Variants in LPCAT1 observed in about 807,000 individuals in gnomAD.
The protein encoded by LPCAT1 is 1-acylglycerol-3-phosphate O-acyltransferase.
Under a neutral mutation model 60.9 loss-of-function variants are expected in LPCAT1, and 23 were observed. The ratio of observed to expected loss-of-function variants is 0.38; its 90% CI spans 0.27 to 0.53. LPCAT1 has a LOEUF of 0.53. Among genes scored for constraint, LPCAT1 ranks in the 20% least tolerant of loss-of-function variants. The pLI is 0.82. For synonymous variants in LPCAT1, 340 were observed against 301.1 expected (o/e 1.13, Z -1.34); for missense variants, 622 against 723.6 (o/e 0.86, Z 1.61).
At chr5:1,468,912 T>C (rs953034546) in intron 12 of LPCAT1, among the ~76,000 whole-genome samples, 5 of 152,322 alleles carry the variant, frequency 3.3e-5, no homozygotes, top group African/African-American at 9.6e-5. Context: ...AAGCCCTTCC[T>C]GCTACATGCA....
chr5:1,492,476 G>A (rs1042692212), intron 3 of LPCAT1, among the ~76,000 whole-genome samples: 2 of 152,240 alleles, frequency 1.3e-5, no homozygotes, highest in Admixed American at 1.3e-4. Context: ...GGCCCTTTCA[G>A]GCCAGGACAG....
Position 1,495,330 on chromosome 5 carries a change from TG to T in LPCAT1, c.279-417del, listed in dbSNP as rs10708465. ...AACACCTAAAACGCATATCGCAATA[TG>T]GGGGGGGGGGCGCTCAGAGCTGAGG... On this transcript the variant is annotated intron_variant, in intron 2 of 13. Coordinates refer to ENST00000283415, the MANE Select transcript of LPCAT1 (RefSeq NM_024830.5). This position sits in a 1 kb window ranked among gnomAD's most constrained non-coding sequence, Gnocchi z 4.7. Among the ~76,000 whole-genome samples, 67,917 of 140,448 alleles carry T rather than the reference TG, an allele frequency of 0.48. 15,751 individuals carry two copies. Among genetic ancestry groups the T allele is most frequent in the East Asian group, 0.68 (3,285 of 4,852 alleles). 92.1% of individuals were successfully genotyped at this position (140,448 alleles called of 152,430 possible). A position where few individuals can be genotyped will look rare whatever the true frequency, so the allele number is the denominator to read the frequency against.
chr5:1,479,325 T>G (rs1410534107), intron 8 of LPCAT1, among the ~76,000 whole-genome samples: 1 of 152,204 alleles, frequency 6.6e-6, no homozygotes, highest in Non-Finnish European at 1.5e-5. Context: ...GAGGCTGCAG[T>G]GAGCCCATCG....
At position 1,521,472 on chromosome 5, in the gene LPCAT1, CTG is replaced by C. The variant is rs1361786173; in HGVS notation, c.135+2236_135+2237del. ...GGCTTGAAAGACAGGCTATTTCACT[CTG>C]TGGAAACTTTACAAGAATATATCAC... On this transcript the variant is annotated intron_variant, in intron 1 of 13. Transcript: ENST00000283415. This position sits in a 1 kb window ranked among gnomAD's most constrained non-coding sequence, Gnocchi z 4.3. 7 of 985,274 alleles carry C rather than the reference CTG, an allele frequency of 7.1e-6. No homozygotes were observed. Among genetic ancestry groups the C allele is most frequent in the African/African-American group, 5.2e-5 (3 of 57,232 alleles). The allele number at this position is 985,274 out of a possible 1,614,324, so 61.0% of individuals were successfully genotyped here.
At chr5:1,467,144 C>G in intron 12 of LPCAT1, 1 of 379,850 alleles carries the variant, frequency 2.6e-6, no homozygotes, top group Non-Finnish European at 4.6e-6. Flanking sequence ...AGACGCTGCC[C>G]ACCCCACCCG....
Position 1,501,361 on chromosome 5 carries a change from G to C in LPCAT1, c.278+100C>G, listed in dbSNP as rs996967176. On this transcript the variant is annotated intron_variant, in intron 2 of 13. Coordinates refer to ENST00000283415, the MANE Select transcript of LPCAT1 (RefSeq NM_024830.5). ...GGGCTCAGAAGGGAAGGACAGATGG[G>C]CTAGGGTGGAGACACACAACCCCAC... The C allele has an allele frequency of 5.1e-5, 74 of 1,450,234 alleles. No individual in the cohort carries two copies. In the African/African-American group the frequency reaches 9.3e-4, roughly 18 times the overall value. The allele number at this position is 1,450,234 out of a possible 1,614,324, so 89.8% of individuals were successfully genotyped here.
In LPCAT1 at chr5:1,523,168, C is replaced by T. The variant is rs1483918736; in HGVS notation, c.135+542G>A. 1.3e-5 allele frequency among the ~76,000 whole-genome samples: 2 copies of T among 152,208 alleles called. No individual in the cohort carries two copies. The highest frequency in any genetic ancestry group is 2.4e-5 in the African/African-American group (1 of 41,464). On this transcript the variant is annotated intron_variant, in intron 1 of 13. Transcript: ENST00000283415. The surrounding 1 kb of genome is among the most constrained non-coding windows in gnomAD (Gnocchi z 7.1). ...ACCCGCACCGCCCGCGCGCCCTGTC[C>T]CGGGCACCACCAGGCCCCGCACACG... is the stretch of plus-strand genomic sequence containing the variant.
intron 11 of LPCAT1, 83 bp from the exon 12 acceptor site, chr5:1,471,007 T>A: frequency 1.8e-6 from 2 of 1,089,884 alleles, no homozygotes; most frequent in Non-Finnish European, 2.7e-6. Flanking sequence ...GTGCTGGTGT[T>A]AATTAAAGGC....
intron 1 of LPCAT1, 125 bp from the exon 2 acceptor site, chr5:1,501,728 G>T: frequency 1.0e-6 from 1 of 975,550 alleles, no homozygotes; most frequent in Non-Finnish European, 1.6e-6. Flanking sequence ...AGGGGCTGCA[G>T]CTGGCACACA....
At chr5:1,504,838 A>C (rs965047841) in intron 1 of LPCAT1, among the ~76,000 whole-genome samples, 1 of 152,246 alleles carries the variant, frequency 6.6e-6, no homozygotes, top group African/African-American at 2.4e-5. Context: ...GCACTAAGAG[A>C]AAGTCTCAGG....
rs368332989 is a variant in LPCAT1 at position 1,495,010 on chromosome 5, C to T, written c.279-96G>A. ...GGTCCCACGGGAGAGCCCTCCAGGG[C>T]GCAGTCCAGGCCACGGGCTTCCTGT... On this transcript the variant is annotated intron_variant, in intron 2 of 13. Transcript: ENST00000283415. The surrounding 1 kb of genome is among the most constrained non-coding windows in gnomAD (Gnocchi z 4.7). 5.0e-6 allele frequency: 6 copies of T among 1,208,490 alleles called. No homozygotes were observed. Among genetic ancestry groups the T allele is most frequent in the African/African-American group, 3.0e-5 (2 of 66,328 alleles). The allele number at this position is 1,208,490 out of a possible 1,614,324, so 74.9% of individuals were successfully genotyped here.
chr5:1,473,963 G>A lies in LPCAT1; in HGVS notation c.1173C>T (p.Phe391=), dbSNP rs762450253. Residue 391 remains phenylalanine, a synonymous_variant, in exon 11 of 14, where the codon TTC becomes TTT. Transcript: ENST00000283415. ...SDLLEDMFSL[F]DESGSGEVDL... is the part of the protein sequence containing the mutation. ...CGCAGGCGACAGGCCCTACCTCGTC[G>A]AACAGTGAAAACATGTCTTCCAGCA... 1.2e-5 allele frequency: 20 copies of A among 1,613,968 alleles called. No individual in the cohort carries two copies. The highest frequency in any genetic ancestry group is 1.2e-4 in the African/African-American group (9 of 74,912).
chr5:1,518,019 G>A (rs1173397247), intron 1 of LPCAT1, among the ~76,000 whole-genome samples: 2 of 152,234 alleles, frequency 1.3e-5, no homozygotes, highest in African/African-American at 4.8e-5. Context: ...GTCTGATGAC[G>A]GCTCACATGG....
chr5:1,479,604 T>C lies in LPCAT1; in HGVS notation c.816+17A>G. ...ACCACTGTGAAGAGCGCTGTGTAAC[T>C]CTGTATCCATACGAACCTCGATTTC... On this transcript the variant is annotated intron_variant, in intron 8 of 13. Coordinates refer to ENST00000283415, the MANE Select transcript of LPCAT1 (RefSeq NM_024830.5). The C allele has an allele frequency of 1.3e-6, 2 of 1,584,178 alleles. No individual in the cohort carries two copies. Among genetic ancestry groups the C allele is most frequent in the South Asian group, 1.1e-5 (1 of 90,476 alleles).
chr5:1,513,175 T>C (rs939865873), intron 1 of LPCAT1, among the ~76,000 whole-genome samples: 1 of 152,162 alleles, frequency 6.6e-6, no homozygotes, highest in African/African-American at 2.4e-5. Flanking sequence ...CAGGCTGGCC[T>C]CCGGGTCCTG....
At chr5:1,490,728 G>A (rs1735545805) in intron 3 of LPCAT1, among the ~76,000 whole-genome samples, 1 of 152,250 alleles carries the variant, frequency 6.6e-6, no homozygotes, top group Non-Finnish European at 1.5e-5. Flanking sequence ...CTCAGCCAAG[G>A]CAACGTGGCC....
intron 3 of LPCAT1, among the ~76,000 whole-genome samples, chr5:1,492,544 C>CTTGT (rs10676636): frequency 0.51 from 77,871 of 151,926 alleles, 21,088 homozygotes; most frequent in African/African-American, 0.7. Context: ...TTCTGATAAG[C>CTTGT]TTGTCACTAT....
intron 1 of LPCAT1, among the ~76,000 whole-genome samples, chr5:1,508,283 C>T (rs943621524): frequency 2.0e-5 from 3 of 152,174 alleles, no homozygotes; most frequent in Non-Finnish European, 2.9e-5. Flanking sequence ...ATTATCACTG[C>T]TTTGGTGTTC....
chr5:1,501,806 G>A (rs1349947468), intron 1 of LPCAT1, among the ~76,000 whole-genome samples: 3 of 151,884 alleles, frequency 2.0e-5, no homozygotes, highest in Admixed American at 6.6e-5. Context: ...AGTGCTGACC[G>A]GCGCTGACCA....
Sources: allele counts gnomAD v4.1 joint callset (sites outside exome capture counted in the v4.1 genomes callset), GRCh38; gene constraint gnomAD v4.1.1; non-coding constraint Gnocchi (gnomAD v3.1); transcripts MANE v1.5; gene names NCBI Gene and HGNC (gene_info 2026-07-23, HGNC 2026-07-21).